Variants in ABL1 observed in about 807,000 individuals in gnomAD.
ABL1 encodes the protein ABL proto-oncogene 1, non-receptor tyrosine kinase.
Under a neutral mutation model 94.7 loss-of-function variants are expected in ABL1, and 11 were observed. That is an observed-to-expected ratio of 0.12 (90% CI 0.07 to 0.19). The LOEUF (loss-of-function observed/expected upper bound fraction) is 0.19. Among genes scored for constraint, ABL1 ranks in the 10% least tolerant of loss-of-function variants. The pLI is 1.00. For synonymous variants in ABL1, 656 were observed against 622.4 expected (o/e 1.05, Z -0.80); for missense variants, 1,082 against 1,489.4 (o/e 0.73, Z 4.50).
At chr9:130,728,246 T>TTTTTTTTTTTTTC in intron 1 of ABL1, among the ~76,000 whole-genome samples, 1 of 149,392 alleles carries the variant, frequency 6.7e-6, no homozygotes, top group Non-Finnish European at 1.5e-5. Flanking sequence ...TTTTTTTTTT[T>TTTTTTTTTTTTTC]TTGTGGAGAC....
intron 4 of ABL1, among the ~76,000 whole-genome samples, chr9:130,869,146 G>A (rs1038204572): frequency 6.7e-6 from 1 of 148,572 alleles, no homozygotes; most frequent in Non-Finnish European, 1.5e-5. Flanking sequence ...TAGCCTGGGC[G>A]ACAGAGCAAG....
intron 4 of ABL1, among the ~76,000 whole-genome samples, chr9:130,870,779 A>T (rs1831239374): frequency 6.6e-6 from 1 of 152,210 alleles, no homozygotes; most frequent in Non-Finnish European, 1.5e-5. Context: ...AAGAGCGATA[A>T]ATTGTTTCCA....
At chr9:130,754,581 G>T (rs1832018787) in intron 1 of ABL1, among the ~76,000 whole-genome samples, 1 of 151,656 alleles carries the variant, frequency 6.6e-6, no homozygotes, top group African/African-American at 2.4e-5. Flanking sequence ...GCTTTGGAAG[G>T]CACAATTAGG....
intron 1 of ABL1, among the ~76,000 whole-genome samples, chr9:130,759,963 ATTTTTTTTT>A (rs34154339): frequency 5.4e-5 from 5 of 93,026 alleles, no homozygotes; most frequent in African/African-American, 9.4e-5. Context: ...AGGTAATTTA[ATTTTTTTTT>A]TTTTTTTTTT....
chr9:130,777,412 C>G (rs1230318191), intron 1 of ABL1, among the ~76,000 whole-genome samples: 247 of 134,446 alleles, frequency 1.8e-3, no homozygotes, highest in Middle Eastern at 0.016. Flanking sequence ...TTAGTACCTT[C>G]TAGACTATGA....
chr9:130,769,228 A>T (rs1187826448), intron 1 of ABL1, among the ~76,000 whole-genome samples: 1 of 151,564 alleles, frequency 6.6e-6, no homozygotes, highest in Non-Finnish European at 1.5e-5. Flanking sequence ...TAACTAGAGT[A>T]GGTCGGTTAT....
chr9:130,874,874 T>G lies in ABL1; in HGVS notation c.1092T>G (p.Leu364=). Residue 364 remains leucine, a synonymous_variant, in exon 7 of 11, where the codon CTT becomes CTG. Transcript: ENST00000318560. ...LEKKNFIHRD[L]AARNCLVGEN... ...GAACATTTTCCTTTCTTAGAGATCT[T>G]GCTGCCCGAAACTGCCTGGTAGGGG... is the stretch of plus-strand genomic sequence containing the variant. The G allele has an allele frequency of 6.2e-7, 1 of 1,614,156 alleles. No individual in the cohort carries two copies. Among genetic ancestry groups the G allele is most frequent in the Non-Finnish European group, 8.5e-7 (1 of 1,179,998 alleles).
In ABL1 at chr9:130,872,025, G is replaced by A; in HGVS notation, c.823-104G>A. 2.0e-6 allele frequency: 2 copies of A among 979,572 alleles called. No individual in the cohort carries two copies. The highest frequency in any genetic ancestry group is 1.6e-5 in the African/African-American group (1 of 62,580). The allele number at this position is 979,572 out of a possible 1,614,324, so 60.7% of individuals were successfully genotyped here. A position where few individuals can be genotyped will look rare whatever the true frequency, so the allele number is the denominator to read the frequency against. On this transcript the variant is annotated intron_variant, in intron 4 of 10. Transcript: ENST00000318560. This position sits in a 1 kb window ranked among gnomAD's most constrained non-coding sequence, Gnocchi z 5.0. ...GTGGCTGTCACAAAACGCAGCCCAG[G>A]ACGAGTATGCGCTGAAGCTCCATTT...
Position 130,872,659 on chromosome 9 carries a change from C to T in ABL1, c.908-201C>T, listed in dbSNP as rs1588276734. On this transcript the variant is annotated intron_variant, in intron 5 of 10. Transcript: ENST00000318560. This position sits in a 1 kb window ranked among gnomAD's most constrained non-coding sequence, Gnocchi z 5.0. Reference sequence around the variant, plus strand: ...CCCTGCGTAAATTCAAGTTCACTGGCTTGAGAAGAAGAAAAGAGCCTGGCC... The same window carrying T: ...CCCTGCGTAAATTCAAGTTCACTGGTTTGAGAAGAAGAAAAGAGCCTGGCC... Among the ~76,000 whole-genome samples the T allele has an allele frequency of 6.6e-6, 1 of 152,296 alleles. No individual in the cohort carries two copies. The highest frequency in any genetic ancestry group is 1.9e-4 in the East Asian group (1 of 5,184).
At chr9:130,851,025 G>A (rs565810527) in intron 1 of ABL1, among the ~76,000 whole-genome samples, 56 of 152,028 alleles carry the variant, frequency 3.7e-4, no homozygotes, top group African/African-American at 1.3e-3. Context: ...CCGGGTTCAC[G>A]CCATTCTCCT....
At chr9:130,773,618 C>T (rs1832278545) in intron 1 of ABL1, among the ~76,000 whole-genome samples, 1 of 149,328 alleles carries the variant, frequency 6.7e-6, no homozygotes, top group Non-Finnish European at 1.5e-5. Context: ...GCCATCATGC[C>T]TGGCTAACTC....
intron 1 of ABL1, among the ~76,000 whole-genome samples, chr9:130,753,626 A>C (rs1831998096): frequency 6.6e-6 from 1 of 150,880 alleles, no homozygotes; most frequent in Non-Finnish European, 1.5e-5. Context: ...GGTTTTTACC[A>C]TGTTGGCCAG....
intron 1 of ABL1, among the ~76,000 whole-genome samples, chr9:130,729,283 C>T (rs1831631583): frequency 6.6e-6 from 1 of 152,222 alleles, no homozygotes; most frequent in Non-Finnish European, 1.5e-5. Context: ...AGCCTCACAG[C>T]CACCGCTGTC....
At chr9:130,774,292 G>A (rs1227312445) in intron 1 of ABL1, among the ~76,000 whole-genome samples, 2 of 152,102 alleles carry the variant, frequency 1.3e-5, no homozygotes, top group African/African-American at 4.8e-5. Context: ...AAAGCTTTGT[G>A]TGGACATTTG....
chr9:130,738,992 C>T (rs1246719593), intron 1 of ABL1, among the ~76,000 whole-genome samples: 1 of 152,204 alleles, frequency 6.6e-6, no homozygotes, highest in Non-Finnish European at 1.5e-5. Flanking sequence ...AAACAATTCT[C>T]CTGTCTCAGC....
chr9:130,863,477 G>A lies in ABL1; in HGVS notation c.822+442G>A, dbSNP rs1366931849. On this transcript the variant is annotated intron_variant, in intron 4 of 10. Coordinates refer to ENST00000318560, the MANE Select transcript of ABL1 (RefSeq NM_005157.6). This position sits in a 1 kb window ranked among gnomAD's most constrained non-coding sequence, Gnocchi z 4.3. ...GGATTTTTGTTGGCTGATTTGGAAGGCAGGTGCCCTGGGCATCCCCAGTGG... is the reference window on the plus strand; with the variant it reads ...GGATTTTTGTTGGCTGATTTGGAAGACAGGTGCCCTGGGCATCCCCAGTGG... Among the ~76,000 whole-genome samples, 1 of 152,168 alleles carries A rather than the reference G, an allele frequency of 6.6e-6. No homozygotes were observed. The highest frequency in any genetic ancestry group is 1.5e-5 in the Non-Finnish European group (1 of 68,038).
intron 1 of ABL1, among the ~76,000 whole-genome samples, chr9:130,809,241 C>T (rs1830170629): frequency 6.6e-6 from 1 of 152,120 alleles, no homozygotes; most frequent in African/African-American, 2.4e-5. Context: ...GAAGGAGCCA[C>T]TCAAAAGGAT....
At chr9:130,836,942 C>T (rs1326833671) in intron 1 of ABL1, among the ~76,000 whole-genome samples, 1 of 151,830 alleles carries the variant, frequency 6.6e-6, no homozygotes, top group Admixed American at 6.6e-5. Context: ...AATAAACAGG[C>T]CTCATTTATT....
chr9:130,793,539 T>C (rs7868336), intron 1 of ABL1, among the ~76,000 whole-genome samples: 40,372 of 152,168 alleles, frequency 0.27, 7,543 homozygotes, highest in African/African-American at 0.54. Flanking sequence ...CAGACTATTT[T>C]TTCTGAGAAA....
Sources: gnomAD v4.1 joint callset for allele counts (sites outside exome capture counted in the v4.1 genomes callset) on GRCh38, gnomAD v4.1.1 for gene constraint, Gnocchi (gnomAD v3.1) non-coding constraint, MANE v1.5 for transcripts, NCBI Gene and HGNC (gene_info 2026-07-23, HGNC 2026-07-21) for gene names.